RGS7: variants seen among roughly 807,000 people sequenced by gnomAD.
RGS7 encodes the protein regulator of G protein signaling 7.
RGS7 carries 27 observed loss-of-function variants against 81.1 expected under a neutral mutation model. That is an observed-to-expected ratio of 0.33 (90% confidence interval 0.25 to 0.46). The LOEUF is 0.46. Among genes scored for constraint, RGS7 ranks in the 20% least tolerant of loss-of-function variants. The pLI, the probability that RGS7 is intolerant of heterozygous loss-of-function variation, is 1.00. For missense variants in RGS7, 396 were observed against 607.4 expected (o/e 0.65, Z 3.66); for synonymous variants, 208 against 207.7 (o/e 1.00, Z -0.01).
intron 6 of RGS7, among the ~76,000 whole-genome samples, chr1:240,921,260 T>A (rs1673486504): frequency 6.6e-6 from 1 of 152,054 alleles, no homozygotes; most frequent in African/African-American, 2.4e-5. Context: ...CAGAAAAAAC[T>A]ATAGATGGGA....
chr1:240,909,991 A>G (rs1671475297), intron 6 of RGS7, among the ~76,000 whole-genome samples: 1 of 152,156 alleles, frequency 6.6e-6, no homozygotes, highest in Admixed American at 6.5e-5. Flanking sequence ...ATTAAAGTGC[A>G]GCAGACGTGC....
At chr1:241,054,740 T>C (rs533441446) in intron 3 of RGS7, among the ~76,000 whole-genome samples, 1 of 152,350 alleles carries the variant, frequency 6.6e-6, no homozygotes, top group African/African-American at 2.4e-5. Flanking sequence ...GACTCTTCTA[T>C]TTTCTTTCTT....
intron 2 of RGS7, among the ~76,000 whole-genome samples, chr1:241,338,700 T>C (rs1470130945): frequency 1.3e-5 from 2 of 149,854 alleles, no homozygotes; most frequent in East Asian, 1.9e-4. Context: ...TTATAAGAGA[T>C]AATATATAGT....
At chr1:241,352,411 A>T (rs957624348) in intron 2 of RGS7, among the ~76,000 whole-genome samples, 3 of 152,236 alleles carry the variant, frequency 2.0e-5, no homozygotes, top group Admixed American at 2.0e-4. Flanking sequence ...CAAGTACATA[A>T]AACACCACAG....
chr1:240,908,581 T>G (rs1249430387), intron 6 of RGS7, among the ~76,000 whole-genome samples: 1 of 152,058 alleles, frequency 6.6e-6, no homozygotes, highest in Non-Finnish European at 1.5e-5. Flanking sequence ...ACCCTCTACC[T>G]CCCTTCCACT....
intron 2 of RGS7, among the ~76,000 whole-genome samples, chr1:241,351,423 T>A (rs1482820706): frequency 1.4e-5 from 2 of 145,968 alleles, no homozygotes. Flanking sequence ...TGACTTTATT[T>A]AAAAAAAAAA....
At chr1:240,827,472 G>C (rs746438183) in intron 9 of RGS7, among the ~76,000 whole-genome samples, 6 of 152,150 alleles carry the variant, frequency 3.9e-5, no homozygotes, top group Non-Finnish European at 2.9e-5. Context: ...TACGTATAGC[G>C]ACAAACCCGA....
intron 5 of RGS7, among the ~76,000 whole-genome samples, chr1:240,931,262 T>A (rs548162007): frequency 6.6e-6 from 1 of 152,350 alleles, no homozygotes; most frequent in African/African-American, 2.4e-5. Context: ...CCATTAGTCA[T>A]ATAATTCAGT....
chr1:241,230,071 T>C (rs2075567372), intron 2 of RGS7, among the ~76,000 whole-genome samples: 1 of 152,162 alleles, frequency 6.6e-6, no homozygotes, highest in South Asian at 2.1e-4. Flanking sequence ...TTTAAGTTTT[T>C]TTTTTTCACT....
At chr1:240,930,604 C>T (rs532275095) in intron 6 of RGS7, 113 bp downstream of exon 6, 65 of 1,001,310 alleles carry the variant, frequency 6.5e-5, no homozygotes, top group Middle Eastern at 4.5e-4. Context: ...ATATTGGTCC[C>T]ATCCTGAGAA....
intron 2 of RGS7, among the ~76,000 whole-genome samples, chr1:241,327,146 GGAAA>G (rs60341909): frequency 0.042 from 3,869 of 91,590 alleles, 415 homozygotes; most frequent in Non-Finnish European, 0.062. Flanking sequence ...AAGAAAGAAA[GGAAA>G]GAAAGAAAGA....
At chr1:241,209,280 T>G (rs1321280486) in intron 2 of RGS7, among the ~76,000 whole-genome samples, 1 of 152,160 alleles carries the variant, frequency 6.6e-6, no homozygotes, top group Non-Finnish European at 1.5e-5. Context: ...GAACACAGAA[T>G]GTATTGAATA....
At chr1:241,318,812 T>C (rs2081042840) in intron 2 of RGS7, among the ~76,000 whole-genome samples, 2 of 152,216 alleles carry the variant, frequency 1.3e-5, no homozygotes, top group African/African-American at 4.8e-5. Context: ...TATTGTTTTA[T>C]AAGCAAAAAT....
At chr1:241,273,001 T>A (rs2148354948) in intron 2 of RGS7, among the ~76,000 whole-genome samples, 1 of 152,348 alleles carries the variant, frequency 6.6e-6, no homozygotes, top group African/African-American at 2.4e-5. Context: ...TGTATGTGTG[T>A]GTGTCTGTGT....
At chr1:241,044,712 G>A (rs1023459157) in intron 3 of RGS7, among the ~76,000 whole-genome samples, 15 of 152,070 alleles carry the variant, frequency 9.9e-5, no homozygotes, top group African/African-American at 3.4e-4. Flanking sequence ...GAGTACAGGT[G>A]GTAAGCCACC....
intron 4 of RGS7, among the ~76,000 whole-genome samples, chr1:240,948,708 G>T (rs1445819789): frequency 6.6e-6 from 1 of 151,996 alleles, no homozygotes; most frequent in Admixed American, 6.6e-5. Context: ...CTCCCAAAGT[G>T]CTGGGATTAC....
At chr1:240,849,948 C>T (rs1193577331) in intron 9 of RGS7, among the ~76,000 whole-genome samples, 2 of 152,136 alleles carry the variant, frequency 1.3e-5, no homozygotes, top group Non-Finnish European at 2.9e-5. Flanking sequence ...GATCACATTC[C>T]GCACCCGTAC....
At chr1:240,877,057 GA>G (rs1305969443) in intron 6 of RGS7, among the ~76,000 whole-genome samples, 1 of 152,022 alleles carries the variant, frequency 6.6e-6, no homozygotes. Context: ...AGAGGGCTAA[GA>G]ATACACTATA....
intron 18 of RGS7, among the ~76,000 whole-genome samples, chr1:240,793,605 A>ATTT (rs869198789): frequency 3.0e-5 from 1 of 32,894 alleles, no homozygotes; most frequent in African/African-American, 1.2e-4. Context: ...ATATATATAT[A>ATTT]TATATATTTT....
Sources: gnomAD v4.1 joint callset for allele counts (sites outside exome capture counted in the v4.1 genomes callset) on GRCh38, gnomAD v4.1.1 for gene constraint, MANE v1.5 for transcripts, NCBI Gene and HGNC (gene_info 2026-07-23, HGNC 2026-07-21) for gene names.